THBS3: variants seen among roughly 807,000 people sequenced by gnomAD.
The protein encoded by THBS3 is thrombospondin-3.
THBS3 carries 78 observed loss-of-function variants against 118.3 expected under a neutral mutation model. The ratio of observed to expected loss-of-function variants is 0.66; its 90% CI spans 0.55 to 0.80. The LOEUF is 0.80. THBS3 is among the 30% of genes least tolerant of loss of function. The pLI is 0.00. For missense variants in THBS3, 1,057 were observed against 1,247.4 expected, an observed-to-expected ratio of 0.85 and a Z score of 2.30; for synonymous variants, 427 against 475.3, an observed-to-expected ratio of 0.90 and a Z score of 1.32.
At chr1:155,208,876 C>G (rs1318879182), upstream of THBS3, 1 of 1,611,310 alleles carries the variant, frequency 6.2e-7, no homozygotes, top group Non-Finnish European at 8.5e-7. Flanking sequence ...GCAGTACAGG[C>G]CACGTGCAGT....
In THBS3 at chr1:155,201,486, G is replaced by A; in HGVS notation, c.1260C>T (p.Ser420=). 1 of 1,613,654 alleles carries A rather than the reference G, an allele frequency of 6.2e-7. No individual in the cohort carries two copies. The highest frequency in any genetic ancestry group is 8.5e-7 in the Non-Finnish European group (1 of 1,179,694). Residue 420 remains serine, a synonymous_variant, in exon 11 of 23, where the codon AGC becomes AGT. Transcript: ENST00000368378. The stretch of plus-strand genomic sequence containing the variant: ...GGATGTGGCAGGGGCTGTGGGCTGG[G>A]CTGTGGCAGGTCCGGGCTGGGAGGC... The part of the protein sequence containing the change: ...QGCLPARTCH[S]PAHSPCHIHA...
chr1:155,197,334 A>G lies in THBS3; in HGVS notation c.2500-121T>C. 6.6e-7 allele frequency: 1 copy of G among 1,525,758 alleles called. No homozygotes were observed. The highest frequency in any genetic ancestry group is 2.3e-5 in the East Asian group (1 of 44,096). The allele number at this position is 1,525,758 out of a possible 1,614,324, so 94.5% of individuals were successfully genotyped here. On this transcript the variant is annotated intron_variant, in intron 20 of 22. Transcript: ENST00000368378. The surrounding 1 kb of genome is among the most constrained non-coding windows in gnomAD (Gnocchi z 5.0). ...GGTCATGAAAATGCCCTGGGGCCCC[A>G]GAGAGCCGGCCTCCAAGCCAGATGT...
chr1:155,208,222 A>AC (rs1264160938), upstream of THBS3, among the ~76,000 whole-genome samples: 1 of 152,118 alleles, frequency 6.6e-6, no homozygotes, highest in East Asian at 1.9e-4. Context: ...GAAGGCAAGA[A>AC]CCCCTGGCAG....
At chr1:155,207,984 C>G (rs1339288015), upstream of THBS3, 3 of 899,632 alleles carry the variant, frequency 3.3e-6, no homozygotes, top group Non-Finnish European at 3.3e-6. Flanking sequence ...GGAGGGGGGG[C>G]CAGCAGGCGG....
At chr1:155,209,052 G>A (rs1670940651), upstream of THBS3, 2 of 1,542,352 alleles carry the variant, frequency 1.3e-6, no homozygotes, top group Non-Finnish European at 1.7e-6. Context: ...TGGATGGGCC[G>A]GCGGCCGCCC....
chr1:155,196,888 A>G, intron 21 of THBS3, 153 bp downstream of exon 21: 1 of 702,360 alleles, frequency 1.4e-6, no homozygotes, highest in Non-Finnish European at 2.4e-6. Context: ...CTTCACCAAC[A>G]TCACTCATAG....
Position 155,196,848 on chromosome 1 carries a change from C to T in THBS3, c.2672+193G>A, listed in dbSNP as rs957810174. ...CATCTAACCCAATGCCCTCATTTTA[C>T]AGACGGGAAAATGGGTCATGGAGGA... On this transcript the variant is annotated intron_variant, in intron 21 of 22. Transcript: ENST00000368378. The T allele has an allele frequency of 5.0e-6, 3 of 604,868 alleles. No homozygotes were observed. The Admixed American group carries it at 9.1e-5, about 18-fold the overall frequency. The allele number at this position is 604,868 out of a possible 1,614,324, so 37.5% of individuals were successfully genotyped here.
At chr1:155,200,656 A>G in intron 13 of THBS3, 46 bp from the exon 14 acceptor site, 1 of 1,603,586 alleles carries the variant, frequency 6.2e-7, no homozygotes, top group Non-Finnish European at 8.5e-7. Context: ...CCCCTAAATC[A>G]CTTGTCATCT....
At position 155,202,192 on chromosome 1, in the gene THBS3, G is replaced by A; in HGVS notation, c.1098+69C>T. 5 of 1,595,080 alleles carry A rather than the reference G, an allele frequency of 3.1e-6. No homozygotes were observed. Among genetic ancestry groups the A allele is most frequent in the Non-Finnish European group, 4.3e-6 (5 of 1,169,014 alleles). On this transcript the variant is annotated intron_variant, in intron 9 of 22. Transcript: ENST00000368378. The surrounding 1 kb of genome is among the most constrained non-coding windows in gnomAD (Gnocchi z 5.5). The stretch of plus-strand genomic sequence containing the variant: ...GTCCCATTCATCACAAGGGTCCCAT[G>A]TCCAACCCAGAAGCCCCTGGCCTCT...
rs755795631 is a variant in THBS3 at position 155,198,116 on chromosome 1, G to A, written c.2179C>T (p.Arg727Trp). The A allele has an allele frequency of 2.7e-5, 43 of 1,614,142 alleles. 1 individual carries two copies. The highest frequency in any genetic ancestry group is 4.4e-5 in the South Asian group (4 of 91,084). ...ESAEVTLTDF[R>W]AYQTVVLDPE... ...TCCAGGACGACGGTCTGATAGGCCCGAAAATCCGTAAGCGTTACCTCTGCA... is the reference window on the plus strand; with the variant it reads ...TCCAGGACGACGGTCTGATAGGCCCAAAAATCCGTAAGCGTTACCTCTGCA... Residue 727 changes from arginine (R) to tryptophan (W), a missense_variant, in exon 18 of 23, where the codon CGG becomes TGG. Physicochemically the swap from Arg to Trp is moderately radical, Grantham distance 101. This residue lies in a region of THBS3 where 307 missense variants were observed against 326.1 expected (regional missense o/e 0.94). Transcript: ENST00000368378.
upstream of THBS3, among the ~76,000 whole-genome samples, chr1:155,208,543 C>A (rs1670868585): frequency 6.6e-6 from 1 of 152,152 alleles, no homozygotes; most frequent in Non-Finnish European, 1.5e-5. Flanking sequence ...CAGGGACAGG[C>A]GCAGAAGACC....
chr1:155,200,925 G>A lies in THBS3; in HGVS notation c.1520C>T (p.Ala507Val). Reference protein sequence around the residue: ...DGVGDQCDDDADGDGIKNVED... With the variant: ...DGVGDQCDDDVDGDGIKNVED... ...AACATTCTTGATCCCATCCCCATCAGCATCATCATCACACTGGTCCCCCAC... is the reference window on the plus strand; with the variant it reads ...AACATTCTTGATCCCATCCCCATCAACATCATCATCACACTGGTCCCCCAC... Residue 507 changes from alanine (A) to valine (V), a missense_variant, in exon 13 of 23, where the codon GCT (alanine) becomes GTT (valine). By Grantham distance (64) the Ala-to-Val change is moderately conservative (BLOSUM62 0). Around this residue, in one of 3 missense-constraint regions of THBS3, gnomAD observed 544 missense variants for 715.6 expected, o/e 0.76. Coordinates refer to ENST00000368378, the MANE Select transcript of THBS3 (RefSeq NM_007112.5). 6.2e-7 allele frequency: 1 copy of A among 1,614,074 alleles called. No individual in the cohort carries two copies. Among genetic ancestry groups the A allele is most frequent in the East Asian group, 2.2e-5 (1 of 44,866 alleles).
At chr1:155,203,183 A>C (rs757735272) in intron 6 of THBS3, 40 bp downstream of exon 6, 9 of 1,613,926 alleles carry the variant, frequency 5.6e-6, no homozygotes, top group African/African-American at 1.3e-5. Context: ...CTGCCACCCT[A>C]CCCCAGAATC....
upstream of THBS3, chr1:155,208,766 G>A (rs1303196549): frequency 2.8e-6 from 4 of 1,452,172 alleles, no homozygotes; most frequent in South Asian, 2.9e-5. Context: ...GCGACAGGCG[G>A]CGCAGGGCCC....
chr1:155,202,184 G>T lies in THBS3; in HGVS notation c.1098+77C>A. On this transcript the variant is annotated intron_variant, in intron 9 of 22. Coordinates refer to ENST00000368378, the MANE Select transcript of THBS3 (RefSeq NM_007112.5). This position sits in a 1 kb window ranked among gnomAD's most constrained non-coding sequence, Gnocchi z 5.5. Reference sequence around the variant, plus strand: ...CCATCCATGTCCCATTCATCACAAGGGTCCCATGTCCAACCCAGAAGCCCC... The same window carrying T: ...CCATCCATGTCCCATTCATCACAAGTGTCCCATGTCCAACCCAGAAGCCCC... The T allele has an allele frequency of 6.3e-7, 1 of 1,593,978 alleles. No homozygotes were observed. The highest frequency in any genetic ancestry group is 8.6e-7 in the Non-Finnish European group (1 of 1,168,554).
At chr1:155,208,924 A>T (rs1304687168), upstream of THBS3, 5 of 1,610,164 alleles carry the variant, frequency 3.1e-6, no homozygotes, top group Non-Finnish European at 4.2e-6. Context: ...GGCGCACAAG[A>T]CCCCGCTCTC....
chr1:155,201,820 AG>A, intron 10 of THBS3, 136 bp downstream of exon 10: 1 of 1,322,566 alleles, frequency 7.6e-7, no homozygotes, highest in Admixed American at 1.9e-5. Flanking sequence ...TTCCAAACCA[AG>A]TCCATGTGAA....
chr1:155,198,035 G>A lies in THBS3; in HGVS notation c.2253+7C>T, dbSNP rs759651860. On this transcript the variant is annotated splice_region_variant and intron_variant, in intron 18 of 22. Coordinates refer to ENST00000368378, the MANE Select transcript of THBS3 (RefSeq NM_007112.5). ...TAGCACCTGCCCAGCCCACTGCCCC[G>A]AGTTACCTGGTTGAGCACAACCCAG... The A allele has an allele frequency of 1.7e-5, 28 of 1,614,006 alleles. No homozygotes were observed. The highest frequency in any genetic ancestry group is 2.2e-5 in the East Asian group (1 of 44,894).
intron 7 of THBS3, 50 bp downstream of exon 7, chr1:155,203,036 G>A (rs755124101): frequency 1.2e-6 from 2 of 1,614,020 alleles, no homozygotes; most frequent in South Asian, 1.1e-5. Context: ...AAGCCATTGG[G>A]TGGGGAACGT....
Sources: allele counts gnomAD v4.1 joint callset (sites outside exome capture counted in the v4.1 genomes callset), GRCh38; gene constraint gnomAD v4.1.1; regional missense constraint gnomAD v4.1.1; non-coding constraint Gnocchi (gnomAD v3.1); transcripts MANE v1.5; gene names NCBI Gene and HGNC (gene_info 2026-07-23, HGNC 2026-07-21).